ASPG: variants seen among roughly 807,000 people sequenced by gnomAD.
The protein encoded by ASPG is 60 kDa lysophospholipase.
In ASPG, 53 loss-of-function variants were observed where a neutral mutation model predicts 63.2. That is an observed-to-expected ratio of 0.84 (90% CI 0.67 to 1.05). The LOEUF (loss-of-function observed/expected upper bound fraction) is 1.05. ASPG is among the 50% of genes least tolerant of loss of function. ASPG has a pLI of 0.00. For missense variants in ASPG, 741 were observed against 794.4 expected, an observed-to-expected ratio of 0.93 and a Z score of 0.81; for synonymous variants, 370 against 355.0, an observed-to-expected ratio of 1.04 and a Z score of -0.48.
Position 104,111,485 on chromosome 14 carries a change from T to G in ASPG, c.1521-17T>G. The G allele has an allele frequency of 6.5e-7, 1 of 1,547,056 alleles. No homozygotes were observed. The highest frequency in any genetic ancestry group is 8.7e-7 in the Non-Finnish European group (1 of 1,144,476). On this transcript the variant is annotated splice_polypyrimidine_tract_variant and intron_variant, in intron 13 of 15. Coordinates refer to ENST00000551177, the MANE Select transcript of ASPG (RefSeq NM_001080464.3). Reference sequence around the variant, plus strand: ...CCCAGCAGGCCCCAACAACTCCTCCTCTGCCCCCACCCCCAGGCTGGCATA... The same window carrying G: ...CCCAGCAGGCCCCAACAACTCCTCCGCTGCCCCCACCCCCAGGCTGGCATA...
chr14:104,090,055 C>T (rs2036324314), intron 1 of ASPG, among the ~76,000 whole-genome samples: 1 of 151,736 alleles, frequency 6.6e-6, no homozygotes, highest in African/African-American at 2.4e-5. Context: ...GATCTTCCTG[C>T]ATCAGCCTCC....
At chr14:104,088,529 C>T (rs1430476388) in intron 1 of ASPG, among the ~76,000 whole-genome samples, 1 of 152,134 alleles carries the variant, frequency 6.6e-6, no homozygotes, top group African/African-American at 2.4e-5. Flanking sequence ...GCCGGCCTGT[C>T]CCAAAGTCCC....
rs116343710 is a variant in ASPG at position 104,112,951 on chromosome 14, C to A, written c.*407C>A. 1,010 of 303,338 alleles carry A rather than the reference C, an allele frequency of 3.3e-3. 11 individuals are homozygous for A. Among genetic ancestry groups the A allele is most frequent in the African/African-American group, 0.02 (936 of 46,288 alleles). The allele number at this position is 303,338 out of a possible 1,614,324, so 18.8% of individuals were successfully genotyped here. On this transcript the variant is annotated 3_prime_UTR_variant, in exon 16 of 16. Transcript: ENST00000551177. The stretch of plus-strand genomic sequence containing the variant: ...CTGCCTTTGCCCAGGCTGGTCCCTC[C>A]TCCAGACACCCTCTGCCCATCTCCT...
chr14:104,102,148 C>A, intron 6 of ASPG, among the ~76,000 whole-genome samples: 1 of 152,030 alleles, frequency 6.6e-6, no homozygotes, highest in Non-Finnish European at 1.5e-5. Context: ...TGTGCTGATG[C>A]CTTATCTGCT....
chr14:104,090,897 A>C (rs933585504), intron 1 of ASPG, among the ~76,000 whole-genome samples: 1 of 152,142 alleles, frequency 6.6e-6, no homozygotes, highest in African/African-American at 2.4e-5. Flanking sequence ...AGACAGTCTC[A>C]TTCTGTCACC....
chr14:104,097,969 C>A (rs369995947), intron 5 of ASPG, among the ~76,000 whole-genome samples: 2 of 123,634 alleles, frequency 1.6e-5, no homozygotes, highest in African/African-American at 3.3e-5. Flanking sequence ...TATGGAGGTT[C>A]TGCGTTAGAG....
chr14:104,111,303 T>C, intron 13 of ASPG, 199 bp from the exon 14 acceptor site: 2 of 739,544 alleles, frequency 2.7e-6, no homozygotes, highest in Non-Finnish European at 3.3e-6. Context: ...TGAGTCGCAG[T>C]CCCACCCACT....
At chr14:104,107,474 G>T (rs2037187627) in intron 12 of ASPG, 129 bp downstream of exon 12, 7 of 949,044 alleles carry the variant, frequency 7.4e-6, no homozygotes, top group Non-Finnish European at 9.9e-6. Flanking sequence ...CCTAAAGGCT[G>T]CCCCCGCAGC....
At chr14:104,104,834 G>A in intron 9 of ASPG, 99 bp downstream of exon 9, 1 of 1,034,890 alleles carries the variant, frequency 9.7e-7, no homozygotes, top group Non-Finnish European at 1.4e-6. Context: ...GAGCCTGGGG[G>A]CCGGTCCAGG....
Position 104,112,862 on chromosome 14 carries a change from G to A in ASPG, c.*318G>A, listed in dbSNP as rs2037418803. Reference sequence around the variant, plus strand: ...CTGTGCGTGTGAGCTGGGCAGGGTGGGGTGCATGGACGTGACTTGGCCAAG... The same window carrying A: ...CTGTGCGTGTGAGCTGGGCAGGGTGAGGTGCATGGACGTGACTTGGCCAAG... On this transcript the variant is annotated 3_prime_UTR_variant, in exon 16 of 16. Coordinates refer to ENST00000551177, the MANE Select transcript of ASPG (RefSeq NM_001080464.3). The A allele has an allele frequency of 4.4e-6, 2 of 450,798 alleles. No individual in the cohort carries two copies. Among genetic ancestry groups the A allele is most frequent in the Admixed American group, 3.5e-5 (1 of 28,478 alleles). The allele number at this position is 450,798 out of a possible 1,614,324, so 27.9% of individuals were successfully genotyped here.
intron 12 of ASPG, among the ~76,000 whole-genome samples, chr14:104,108,174 G>T (rs1431620022): frequency 2.0e-5 from 3 of 152,054 alleles, no homozygotes; most frequent in Non-Finnish European, 2.9e-5. Context: ...TGGGTGACTG[G>T]GGTAGAAGGT....
chr14:104,111,266 T>C (rs915628036), intron 13 of ASPG: 78 of 895,234 alleles, frequency 8.7e-5, no homozygotes, highest in Non-Finnish European at 9.9e-5. Context: ...TGTGTGTTCA[T>C]GTATGTTTGC....
Position 104,097,946 on chromosome 14 carries a change from T to TTAGAGATACGTATGGAGGTTCTGC in ASPG, c.513+309_513+310insTAGAGATACGTATGGAGGTTCTGC, listed in dbSNP as rs1566830199. ...GTTAGAGATGCGTATGGAGGTTCTG[T>TTAGAGATACGTATGGAGGTTCTGC]GTTAGAGATGCGTATGGAGGTTCTG... On this transcript the variant is annotated intron_variant, in intron 5 of 15. Coordinates refer to ENST00000551177, the MANE Select transcript of ASPG (RefSeq NM_001080464.3). Among the ~76,000 whole-genome samples, 49 of 18,942 alleles carry TTAGAGATACGTATGGAGGTTCTGC rather than the reference T, an allele frequency of 2.6e-3. 1 individual carries two copies. The highest frequency in any genetic ancestry group is 3.7e-3 in the Non-Finnish European group (27 of 7,320). The allele number at this position is 18,942 out of a possible 152,430, so 12.4% of individuals were successfully genotyped here. A position where few individuals can be genotyped will look rare whatever the true frequency, so the allele number is the denominator to read the frequency against.
intron 10 of ASPG, among the ~76,000 whole-genome samples, chr14:104,106,520 T>C (rs2037136549): frequency 1.3e-5 from 2 of 152,054 alleles, no homozygotes; most frequent in Admixed American, 1.3e-4. Context: ...GGGTAGCAGG[T>C]ACTGGCCACA....
rs767443101 is a variant in ASPG at position 104,098,950 on chromosome 14, C to T, written c.611C>T (p.Pro204Leu). Reference sequence around the variant, plus strand: ...GCTTTCTGCTCCCCGAACCTGCTGCCTCTGGCCACAGTGGGTGCTGACATC... The same window carrying T: ...GCTTTCTGCTCCCCGAACCTGCTGCTTCTGGCCACAGTGGGTGCTGACATC... ...FAAFCSPNLL[P>L]LATVGADITI... The change falls in exon 6 of 16, where the codon CCT (proline) becomes CTT (leucine). Residue 204 changes from proline (P) to leucine (L), a missense_variant. Transcript: ENST00000551177. 13 of 1,600,990 alleles carry T rather than the reference C, an allele frequency of 8.1e-6. No homozygotes were observed. Among genetic ancestry groups the T allele is most frequent in the Non-Finnish European group, 9.4e-6 (11 of 1,174,730 alleles).
rs1224631783 is a variant in ASPG at position 104,097,549 on chromosome 14, C to G, written c.430-5C>G. 4 of 1,551,560 alleles carry G rather than the reference C, an allele frequency of 2.6e-6. No homozygotes were observed. In the South Asian group the frequency reaches 4.8e-5, roughly 18 times the overall value. On this transcript the variant is annotated splice_region_variant and splice_polypyrimidine_tract_variant and intron_variant, in intron 4 of 15. Coordinates refer to ENST00000551177, the MANE Select transcript of ASPG (RefSeq NM_001080464.3). ...GCCTCAGCTACTCCGTGGCCTCTCC[C>G]CCAGGTGCCCATCCATGCCCTGTGG...
chr14:104,098,425 C>T (rs888938699), intron 5 of ASPG, among the ~76,000 whole-genome samples: 27 of 152,204 alleles, frequency 1.8e-4, no homozygotes, highest in African/African-American at 5.8e-4. Flanking sequence ...AGCCCCCACA[C>T]GGGCTCCTGA....
At chr14:104,093,742 G>A in intron 3 of ASPG, 140 bp downstream of exon 3, 1 of 638,120 alleles carries the variant, frequency 1.6e-6, no homozygotes, top group Non-Finnish European at 2.7e-6. Context: ...GAGCACGGGT[G>A]GGAATGGGGA....
chr14:104,108,560 T>C (rs2037247574), intron 12 of ASPG: 2 of 985,334 alleles, frequency 2.0e-6, no homozygotes, highest in Non-Finnish European at 2.4e-6. Flanking sequence ...GGGGGATCTG[T>C]GGTGCTTTGC....
Sources: allele counts gnomAD v4.1 joint callset (sites outside exome capture counted in the v4.1 genomes callset), GRCh38; gene constraint gnomAD v4.1.1; transcripts MANE v1.5; gene names NCBI Gene and HGNC (gene_info 2026-07-23, HGNC 2026-07-21).